TRMT11: variants seen among roughly 807,000 people sequenced by gnomAD.
The protein encoded by TRMT11 is tRNA (guanine(10)-N(2))-methyltransferase TRMT11.
A neutral mutation model predicts 62.8 loss-of-function variants in TRMT11; 53 were observed. That is an observed-to-expected ratio of 0.84 (90% CI 0.68 to 1.06). The LOEUF is 1.06. Among genes scored for constraint, TRMT11 ranks in the 50% least tolerant of loss-of-function variants. The pLI is 0.00. For missense variants in TRMT11, 556 were observed against 553.4 expected, an observed-to-expected ratio of 1.00 and a Z score of -0.05; for synonymous variants, 188 against 190.3, an observed-to-expected ratio of 0.99 and a Z score of 0.10.
chr6:126,232,148 TTG>T, the TRMT11 span, among the ~76,000 whole-genome samples: 728 of 149,896 alleles, frequency 4.9e-3, 6 homozygotes, highest in African/African-American at 0.015. Context: ...ACATTTGTGT[TTG>T]TGTGTGTGTG....
chr6:125,992,803 T>G (rs1790837085), intron 1 of TRMT11, among the ~76,000 whole-genome samples: 1 of 152,256 alleles, frequency 6.6e-6, no homozygotes, highest in Non-Finnish European at 1.5e-5. Flanking sequence ...CTTCACTGAT[T>G]TATCAGTAGT....
At chr6:126,066,550 C>A (rs957063148) in intron 17 of TRMT11, among the ~76,000 whole-genome samples, 1 of 152,104 alleles carries the variant, frequency 6.6e-6, no homozygotes, top group African/African-American at 2.4e-5. Flanking sequence ...TCATGGGGGC[C>A]CCACCCTCAT....
At chr6:126,101,718 A>T (rs1250340122) in intron 17 of TRMT11, among the ~76,000 whole-genome samples, 1 of 152,260 alleles carries the variant, frequency 6.6e-6, no homozygotes, top group Non-Finnish European at 1.5e-5. Flanking sequence ...CATCTGAGGA[A>T]GCTGCCGCAT....
chr6:126,111,114 C>A (rs950776202), intron 17 of TRMT11, among the ~76,000 whole-genome samples: 31 of 152,046 alleles, frequency 2.0e-4, no homozygotes, highest in Non-Finnish European at 4.6e-4. Context: ...GCTGCATGAT[C>A]TAACACTTTA....
intron 17 of TRMT11, among the ~76,000 whole-genome samples, chr6:126,082,017 G>A (rs1382472276): frequency 6.6e-6 from 1 of 151,976 alleles, no homozygotes; most frequent in Non-Finnish European, 1.5e-5. Context: ...CCTAACCATG[G>A]GACACCAAGA....
downstream of TRMT11, among the ~76,000 whole-genome samples, chr6:126,204,393 C>T (rs148171534): frequency 1.4e-4 from 22 of 152,268 alleles, no homozygotes; most frequent in African/African-American, 4.3e-4. Flanking sequence ...GATTCTCTGC[C>T]GTTAGGCTAT....
chr6:126,209,801 T>G, the TRMT11 span, among the ~76,000 whole-genome samples: 1 of 152,140 alleles, frequency 6.6e-6, no homozygotes, highest in Non-Finnish European at 1.5e-5. Flanking sequence ...GTATTATAAT[T>G]AAGCACATTA....
chr6:126,230,221 G>A, the TRMT11 span, among the ~76,000 whole-genome samples: 1 of 152,146 alleles, frequency 6.6e-6, no homozygotes, highest in East Asian at 1.9e-4. Flanking sequence ...AGTTTATATA[G>A]CATTTTCCCT....
intron 9 of TRMT11, 44 bp downstream of exon 9, chr6:126,011,461 TA>T (rs1794184793): frequency 1.3e-6 from 2 of 1,531,706 alleles, no homozygotes; most frequent in African/African-American, 1.4e-5. Context: ...ATTCGTTTTG[TA>T]AAATCATTTA....
At chr6:126,173,464 C>T (rs146181605), upstream of TRMT11, among the ~76,000 whole-genome samples, 638 of 152,226 alleles carry the variant, frequency 4.2e-3, 4 homozygotes, top group African/African-American at 0.013. Context: ...GGTCGCTGAT[C>T]TTAGGAGTTG....
intron 21 of TRMT11, among the ~76,000 whole-genome samples, chr6:126,117,289 T>C (rs1402811453): frequency 6.6e-6 from 1 of 152,092 alleles, no homozygotes; most frequent in Non-Finnish European, 1.5e-5. Flanking sequence ...AGAAAAAATT[T>C]AGTTCTAGAA....
intron 17 of TRMT11, among the ~76,000 whole-genome samples, chr6:126,102,115 A>G (rs372047304): frequency 6.6e-6 from 1 of 152,236 alleles, no homozygotes; most frequent in African/African-American, 2.4e-5. Context: ...TTGCAAACAT[A>G]CAAATGAATG....
At chr6:126,090,833 C>T (rs1211474493) in intron 17 of TRMT11, among the ~76,000 whole-genome samples, 1 of 152,122 alleles carries the variant, frequency 6.6e-6, no homozygotes, top group African/African-American at 2.4e-5. Context: ...GTATCTGAAT[C>T]CAGCCTCTTT....
At chr6:126,271,363 CA>C in the TRMT11 span, among the ~76,000 whole-genome samples, 3,131 of 36,170 alleles carry the variant, frequency 0.087, 32 homozygotes, top group African/African-American at 0.15. Context: ...GACTCCATCT[CA>C]AAAAAAAAAA....
intron 11 of TRMT11, among the ~76,000 whole-genome samples, chr6:126,018,058 C>G (rs985902386): frequency 1.3e-5 from 2 of 152,122 alleles, no homozygotes; most frequent in Non-Finnish European, 2.9e-5. Flanking sequence ...AATCCAGCTG[C>G]TAGTGTTAGT....
At chr6:126,191,878 G>A (rs1583905024) in intron 1 of TRMT11, among the ~76,000 whole-genome samples, 1 of 152,206 alleles carries the variant, frequency 6.6e-6, no homozygotes, top group East Asian at 1.9e-4. Context: ...CAGGTAGTGT[G>A]ATTATTCCAG....
intron 12 of TRMT11, among the ~76,000 whole-genome samples, chr6:126,032,338 C>G (rs1465748803): frequency 6.6e-6 from 1 of 152,138 alleles, no homozygotes; most frequent in Admixed American, 6.5e-5. Context: ...CTTTACATAA[C>G]CTTTATGTCA....
In TRMT11 at chr6:126,078,385, T is replaced by G. The variant is rs550330266; in HGVS notation, c.*1437+25195T>G. Among the ~76,000 whole-genome samples, 198 of 151,874 alleles carry G rather than the reference T, an allele frequency of 1.3e-3. 2 individuals are homozygous for G. Among genetic ancestry groups the G allele is most frequent in the African/African-American group, 4.5e-3 (184 of 41,318 alleles). On this transcript the variant is annotated intron_variant and NMD_transcript_variant, in intron 17 of 22. Transcript: ENST00000648977. Reference sequence around the variant, plus strand: ...TCTCTAACTGCATCTGGTTTGCATTTTTTATTAGAAAGGTTTTTTTTTTTT... The same window carrying G: ...TCTCTAACTGCATCTGGTTTGCATTGTTTATTAGAAAGGTTTTTTTTTTTT...
At chr6:126,122,514 C>A (rs1353472785) in intron 21 of TRMT11, among the ~76,000 whole-genome samples, 2 of 152,070 alleles carry the variant, frequency 1.3e-5, no homozygotes, top group African/African-American at 4.8e-5. Context: ...TTATCTGACC[C>A]ACATTGTTTG....
Sources: gnomAD v4.1 joint callset for allele counts (sites outside exome capture counted in the v4.1 genomes callset) on GRCh38, gnomAD v4.1.1 for gene constraint, MANE v1.5 for transcripts, NCBI Gene and HGNC (gene_info 2026-07-23, HGNC 2026-07-21) for gene names.